The following PPIP5K1 variants were observed in gnomAD, a reference collection of about 807,000 sequenced individuals.
PPIP5K1 encodes the protein diphosphoinositol pentakisphosphate kinase 1.
A neutral mutation model predicts 27.7 loss-of-function variants in PPIP5K1; 6 were observed. The ratio of observed to expected loss-of-function variants is 0.22; its 90% CI spans 0.12 to 0.43. PPIP5K1 has a LOEUF of 0.43. Ranked by LOEUF, PPIP5K1 falls within the 20% of genes least tolerant of loss-of-function variation. The probability of loss-of-function intolerance (pLI) is 1.00; values close to 1 mark genes in which losing one functional copy is unlikely to be tolerated. For synonymous variants in PPIP5K1, 145 were observed against 242.6 expected, an observed-to-expected ratio of 0.60 and a Z score of 3.74; for missense variants, 394 against 635.4, an observed-to-expected ratio of 0.62 and a Z score of 4.08.
At chr15:43,537,651 T>C (rs2080068947) in intron 31 of PPIP5K1, among the ~76,000 whole-genome samples, 3 of 131,030 alleles carry the variant, frequency 2.3e-5, no homozygotes, top group Admixed American at 1.8e-4. Context: ...ATCGCGCCAC[T>C]GTACTCCAGC....
At chr15:43,547,791 A>G (rs1165300238) in intron 30 of PPIP5K1, among the ~76,000 whole-genome samples, 1 of 152,144 alleles carries the variant, frequency 6.6e-6, no homozygotes, top group African/African-American at 2.4e-5. Context: ...TGAGTCCTCC[A>G]GTTTTGTTTT....
chr15:43,536,024 CA>C lies in PPIP5K1; in HGVS notation c.3671-549del. The C allele has an allele frequency of 3.5e-6, 4 of 1,131,290 alleles. No individual in the cohort carries two copies. The South Asian group carries it at 5.5e-5, about 16-fold the overall frequency. The allele number at this position is 1,131,290 out of a possible 1,614,324, so 70.1% of individuals were successfully genotyped here. A position where few individuals can be genotyped will look rare whatever the true frequency, so the allele number is the denominator to read the frequency against. On this transcript the variant is annotated intron_variant, in intron 31 of 31. Coordinates refer to ENST00000420765, the MANE Select transcript of PPIP5K1 (RefSeq NM_001394395.1). ...GTTAAGAATCATTCTTTAAAGCAAT[CA>C]ATGTATTTCTGGGGCAGAGGTAATC...
intron 30 of PPIP5K1, among the ~76,000 whole-genome samples, chr15:43,552,227 T>C (rs1222898042): frequency 6.6e-6 from 1 of 152,120 alleles, no homozygotes; most frequent in Non-Finnish European, 1.5e-5. Context: ...AGTGTTGAGA[T>C]TACAAATGTG....
intron 30 of PPIP5K1, among the ~76,000 whole-genome samples, chr15:43,556,447 G>A (rs1464322328): frequency 1.3e-5 from 2 of 151,444 alleles, no homozygotes; most frequent in Non-Finnish European, 2.9e-5. Context: ...GACCAGCCTG[G>A]CCAACATGGC....
intron 30 of PPIP5K1, among the ~76,000 whole-genome samples, chr15:43,554,187 T>C (rs2082619828): frequency 6.6e-6 from 1 of 152,220 alleles, no homozygotes; most frequent in African/African-American, 2.4e-5. Flanking sequence ...ACTACTATTG[T>C]AGAATTCTTC....
intron 30 of PPIP5K1, among the ~76,000 whole-genome samples, chr15:43,541,250 C>T (rs773682504): frequency 1.3e-5 from 2 of 152,028 alleles, no homozygotes; most frequent in African/African-American, 2.4e-5. Context: ...GTAGCTGGGA[C>T]TACAGGCACA....
At chr15:43,537,637 C>T (rs1275443437) in intron 31 of PPIP5K1, among the ~76,000 whole-genome samples, 6 of 138,564 alleles carry the variant, frequency 4.3e-5, no homozygotes, top group South Asian at 2.3e-4. Context: ...TGCAGTGAGC[C>T]GAGATCGCGC....
At chr15:43,553,801 C>T (rs1006003571) in intron 30 of PPIP5K1, among the ~76,000 whole-genome samples, 5 of 151,916 alleles carry the variant, frequency 3.3e-5, no homozygotes, top group African/African-American at 9.7e-5. Context: ...CCCGCCACCA[C>T]GCCCGGCTAA....
chr15:43,550,683 C>G (rs995189692), intron 30 of PPIP5K1, among the ~76,000 whole-genome samples: 1 of 152,026 alleles, frequency 6.6e-6, no homozygotes, highest in African/African-American at 2.4e-5. Context: ...TTGTCTTGTT[C>G]CAAATCTTAG....
In PPIP5K1 at chr15:43,534,591, T is replaced by A. The variant is rs1595665051; in HGVS notation, c.*83A>T. ...ATGGGCTAGAGACTGGCTCTGAGGG[T>A]TTGGATCACCAGATGGATGCTGGGC... On this transcript the variant is annotated 3_prime_UTR_variant, in exon 32 of 32. Coordinates refer to ENST00000420765, the MANE Select transcript of PPIP5K1 (RefSeq NM_001394395.1). 2 of 1,277,636 alleles carry A rather than the reference T, an allele frequency of 1.6e-6. No individual in the cohort carries two copies. The highest frequency in any genetic ancestry group is 2.4e-5 in the Admixed American group (1 of 41,010). 79.1% of individuals were successfully genotyped at this position (1,277,636 alleles called of 1,614,324 possible).
chr15:43,588,441 C>CA lies in PPIP5K1; in HGVS notation c.-123+1730dup, dbSNP rs2085452587. ...CTTAGGCTTAATATTTCTTGTTGTG[C>CA]ACTGCAGGTCTCACACACACACTCT... On this transcript the variant is annotated intron_variant, in intron 1 of 31. Coordinates refer to ENST00000420765, the MANE Select transcript of PPIP5K1 (RefSeq NM_001394395.1). Among the ~76,000 whole-genome samples the CA allele has an allele frequency of 1.7e-5, 2 of 114,850 alleles. 1 individual carries two copies. The highest frequency in any genetic ancestry group is 3.1e-5 in the Non-Finnish European group (2 of 63,748). 75.3% of individuals were successfully genotyped at this position (114,850 alleles called of 152,430 possible).
rs1370388915 is a variant in PPIP5K1, at chr15:43,535,306, C to T, written c.3841G>A (p.Glu1281Lys). 3 of 1,614,172 alleles carry T rather than the reference C, an allele frequency of 1.9e-6. No homozygotes were observed. The highest frequency in any genetic ancestry group is 3.3e-5 in the Admixed American group (2 of 60,016). Residue 1281 changes from glutamate to lysine, a missense_variant, in exon 32 of 32, where the codon GAG becomes AAG. Glu to Lys is a moderately conservative substitution (Grantham distance 56). Transcript: ENST00000420765. The part of the protein sequence containing the change: ...LQETPGSGAQ[E>K]LSIEGEQELF... The stretch of plus-strand genomic sequence containing the variant: ...TCTTGCTCCCCTTCTATGGAGAGCT[C>T]TTGTGCTCCACTCCCAGGGGTCTCC...
intron 30 of PPIP5K1, among the ~76,000 whole-genome samples, chr15:43,543,412 T>C (rs1185921900): frequency 6.6e-6 from 1 of 150,688 alleles, no homozygotes. Context: ...ACTTAAAGTA[T>C]AATAAACAAA....
intron 29 of PPIP5K1, among the ~76,000 whole-genome samples, chr15:43,559,251 C>T (rs1223713756): frequency 6.6e-6 from 1 of 152,152 alleles, no homozygotes; most frequent in African/African-American, 2.4e-5. Flanking sequence ...ACGTTGTTCT[C>T]ACACTTTCTA....
intron 30 of PPIP5K1, among the ~76,000 whole-genome samples, chr15:43,540,421 G>A (rs1044796940): frequency 1.3e-5 from 2 of 151,970 alleles, no homozygotes; most frequent in African/African-American, 4.8e-5. Context: ...AATTAAGGCC[G>A]GGCACAGTGG....
Position 43,535,268 on chromosome 15 carries a change from T to C in PPIP5K1, c.3879A>G (p.Pro1293=). ...SIEGEQELFE[P]NQSPQVPPME... ...TAGGTGGCACCTGTGGGGACTGATT[T>C]GGTTCAAAAAGCTCTTGCTCCCCTT... Residue 1293 remains proline (P), a synonymous_variant, in exon 32 of 32, where the codon CCA becomes CCG. Coordinates refer to ENST00000420765, the MANE Select transcript of PPIP5K1 (RefSeq NM_001394395.1). The C allele has an allele frequency of 6.2e-7, 1 of 1,614,162 alleles. No homozygotes were observed.
chr15:43,536,620 C>T (rs2079900449), intron 31 of PPIP5K1, among the ~76,000 whole-genome samples: 1 of 152,140 alleles, frequency 6.6e-6, no homozygotes. Flanking sequence ...TACCCTGAAA[C>T]CACATCTATG....
At chr15:43,550,314 A>T (rs2082033017) in intron 30 of PPIP5K1, among the ~76,000 whole-genome samples, 1 of 151,240 alleles carries the variant, frequency 6.6e-6, no homozygotes, top group African/African-American at 2.4e-5. Flanking sequence ...TTATTTATTT[A>T]TTTATTTTTT....
intron 31 of PPIP5K1, among the ~76,000 whole-genome samples, chr15:43,537,620 T>C (rs1595690792): frequency 7.6e-6 from 1 of 131,190 alleles, no homozygotes; most frequent in East Asian, 2.2e-4. Context: ...GCCTGGGATG[T>C]GGAGGTTGCA....
Sources: gnomAD v4.1 joint callset for allele counts (sites outside exome capture counted in the v4.1 genomes callset) on GRCh38, gnomAD v4.1.1 for gene constraint, MANE v1.5 for transcripts, NCBI Gene and HGNC (gene_info 2026-07-23, HGNC 2026-07-21) for gene names.